DACH2: variants seen among roughly 807,000 people sequenced by gnomAD.
DACH2 encodes the protein dachshund homolog 2.
DACH2 carries 17 observed loss-of-function variants against 35.8 expected under a neutral mutation model. The ratio of observed to expected loss-of-function variants is 0.48; its 90% confidence interval spans 0.33 to 0.71. DACH2 has a LOEUF of 0.71. Ranked by LOEUF, DACH2 falls within the 30% of genes least tolerant of loss-of-function variation. The pLI is 0.02. For synonymous variants in DACH2, 195 were observed against 177.3 expected (o/e 1.10, Z -0.79); for missense variants, 469 against 472.7 (o/e 0.99, Z 0.07).
chrX:86,621,651 G>A (rs2040070622), intron 3 of DACH2, among the ~76,000 whole-genome samples: 1 of 111,688 alleles, frequency 9.0e-6, no homozygotes, highest in Non-Finnish European at 1.9e-5. Context: ...ATGCTAGTCA[G>A]TCTCTCTTGC....
At chrX:86,477,515 G>T (rs982422578) in intron 2 of DACH2, among the ~76,000 whole-genome samples, 1 of 107,901 alleles carries the variant, frequency 9.3e-6, no homozygotes, top group African/African-American at 3.3e-5. Context: ...TATTGGCAGG[G>T]ATTATATTTT....
At chrX:86,429,804 C>A (rs2036957006) in intron 2 of DACH2, among the ~76,000 whole-genome samples, 1 of 111,855 alleles carries the variant, frequency 8.9e-6, no homozygotes, top group Non-Finnish European at 1.9e-5. Flanking sequence ...CTCAAGCAAT[C>A]TGCCTGCCTC....
At position 86,534,360 on chromosome X, in the gene DACH2, G is replaced by C. The variant is rs985777249; in HGVS notation, c.640+19969G>C. 2.7e-4 allele frequency among the ~76,000 whole-genome samples: 30 copies of C among 112,163 alleles called. 1 individual carries two copies. Among genetic ancestry groups the C allele is most frequent in the African/African-American group, 8.7e-4 (27 of 30,896 alleles). On this transcript the variant is annotated intron_variant, in intron 3 of 11. Transcript: ENST00000373125. ...ACTATTTCTGTTCACAGAATAGAAAGCTGAAAAATTATTTTTGAATTGTAT... is the reference window on the plus strand; with the variant it reads ...ACTATTTCTGTTCACAGAATAGAAACCTGAAAAATTATTTTTGAATTGTAT...
intron 2 of DACH2, among the ~76,000 whole-genome samples, chrX:86,467,887 C>A (rs987792535): frequency 9.0e-6 from 1 of 111,398 alleles, no homozygotes; most frequent in Admixed American, 9.6e-5. Context: ...ATGGAACTCA[C>A]TCACTGTCAT....
intron 7 of DACH2, among the ~76,000 whole-genome samples, chrX:86,802,046 T>C (rs964025363): frequency 1.8e-5 from 2 of 112,138 alleles, no homozygotes; most frequent in African/African-American, 3.2e-5. Flanking sequence ...TTAGGTATCA[T>C]TTTTGAAACG....
chrX:86,383,522 C>A (rs2036077924), intron 2 of DACH2, among the ~76,000 whole-genome samples: 1 of 102,507 alleles, frequency 9.8e-6, no homozygotes, highest in Non-Finnish European at 2.0e-5. Context: ...CAGAAAAAGT[C>A]AAAACCATGG....
intron 1 of DACH2, among the ~76,000 whole-genome samples, chrX:86,345,905 T>G (rs2035488862): frequency 8.9e-6 from 1 of 112,361 alleles, no homozygotes; most frequent in African/African-American, 3.2e-5. Flanking sequence ...CAATCTACAT[T>G]TTTTATATTG....
At chrX:86,586,732 A>G (rs1472680361) in intron 3 of DACH2, among the ~76,000 whole-genome samples, 1 of 110,556 alleles carries the variant, frequency 9.0e-6, no homozygotes, top group Non-Finnish European at 1.9e-5. Flanking sequence ...AGATGGATGT[A>G]TTATGCAGGC....
intron 1 of DACH2, among the ~76,000 whole-genome samples, chrX:86,296,734 G>T (rs1250705594): frequency 9.0e-6 from 1 of 110,529 alleles, no homozygotes; most frequent in Admixed American, 9.7e-5. Context: ...AAAAATATTT[G>T]GTAAAATTTA....
At chrX:86,165,402 C>T (rs2030910648) in intron 1 of DACH2, among the ~76,000 whole-genome samples, 1 of 111,413 alleles carries the variant, frequency 9.0e-6, no homozygotes, top group Non-Finnish European at 1.9e-5. Flanking sequence ...GAGGACCCTC[C>T]AAATTGTTCT....
intron 3 of DACH2, among the ~76,000 whole-genome samples, chrX:86,599,422 T>G (rs955767058): frequency 6.3e-5 from 7 of 110,509 alleles, no homozygotes; most frequent in Non-Finnish European, 1.1e-4. Context: ...TTTTTCTTTT[T>G]TCTTTCTCTT....
intron 1 of DACH2, among the ~76,000 whole-genome samples, chrX:86,189,973 G>A (rs58877625): frequency 0.07 from 7,652 of 109,293 alleles, 686 homozygotes; most frequent in African/African-American, 0.24. Flanking sequence ...GGACCAGCCT[G>A]GCCAACATGG....
intron 1 of DACH2, among the ~76,000 whole-genome samples, chrX:86,347,805 C>A (rs1251849756): frequency 8.9e-5 from 10 of 112,401 alleles, no homozygotes; most frequent in Admixed American, 7.6e-4. Context: ...AAACAGGTTT[C>A]ATTCCATTAA....
chrX:86,315,034 G>C (rs745488820), intron 1 of DACH2, among the ~76,000 whole-genome samples: 4 of 112,377 alleles, frequency 3.6e-5, no homozygotes, highest in African/African-American at 1.3e-4. Flanking sequence ...GGAAAAACAT[G>C]CTGTCTAGAA....
At chrX:86,723,443 T>A (rs1312358177) in intron 6 of DACH2, among the ~76,000 whole-genome samples, 1 of 110,561 alleles carries the variant, frequency 9.0e-6, no homozygotes, top group African/African-American at 3.3e-5. Context: ...GGTATAAACT[T>A]CCCTCTTAGC....
chrX:86,746,353 C>T (rs1338580066), intron 7 of DACH2, among the ~76,000 whole-genome samples: 1 of 111,276 alleles, frequency 9.0e-6, no homozygotes, highest in East Asian at 2.8e-4. Flanking sequence ...TGGATGCAGC[C>T]GTTTACATTT....
chrX:86,455,953 C>A (rs976440465), intron 2 of DACH2, among the ~76,000 whole-genome samples: 1 of 111,970 alleles, frequency 8.9e-6, no homozygotes. Flanking sequence ...TTGTGTCAGA[C>A]CCAAGGCTCT....
At chrX:86,314,637 G>A (rs761658008) in intron 1 of DACH2, among the ~76,000 whole-genome samples, 2 of 112,304 alleles carry the variant, frequency 1.8e-5, no homozygotes, top group East Asian at 5.6e-4. Context: ...CAAAGAAAAC[G>A]TTTTTGAGGA....
chrX:86,773,979 A>G (rs2042008929), intron 7 of DACH2, among the ~76,000 whole-genome samples: 1 of 111,693 alleles, frequency 9.0e-6, no homozygotes. Context: ...GGTAGCTTTA[A>G]TTTTCATTTC....
Sources: gnomAD v4.1 joint callset for allele counts (sites outside exome capture counted in the v4.1 genomes callset) on GRCh38, gnomAD v4.1.1 for gene constraint, MANE v1.5 for transcripts, NCBI Gene and HGNC (gene_info 2026-07-23, HGNC 2026-07-21) for gene names.